The following SIPA1L3 variants were observed in gnomAD, a reference collection of about 807,000 sequenced individuals.
The protein encoded by SIPA1L3 is signal induced proliferation associated 1 like 3.
SIPA1L3 carries 59 observed loss-of-function variants against 150.1 expected under a neutral mutation model. The observed-to-expected ratio is 0.39, with a 90% confidence interval of 0.32 to 0.49. The LOEUF (loss-of-function observed/expected upper bound fraction) is 0.49. SIPA1L3 is among the 20% of genes least tolerant of loss of function. The probability of loss-of-function intolerance (pLI) is 0.86; values close to 1 mark genes in which losing one functional copy is unlikely to be tolerated. For missense variants in SIPA1L3, 2,211 were observed against 2,489.5 expected (o/e 0.89, Z 2.38); for synonymous variants, 1,070 against 1,077.6 (o/e 0.99, Z 0.14).
chr19:37,923,468 G>C (rs901061430), intron 1 of SIPA1L3, among the ~76,000 whole-genome samples: 1 of 152,098 alleles, frequency 6.6e-6, no homozygotes, highest in Non-Finnish European at 1.5e-5. Context: ...ACATAGAAAA[G>C]GTACAGTAAA....
chr19:38,087,989 G>T (rs1970172728), intron 3 of SIPA1L3, among the ~76,000 whole-genome samples: 1 of 152,164 alleles, frequency 6.6e-6, no homozygotes, highest in African/African-American at 2.4e-5. Flanking sequence ...ATGCCCTCCA[G>T]TCTGGACAAC....
intron 1 of SIPA1L3, among the ~76,000 whole-genome samples, chr19:37,999,466 C>G (rs75618039): frequency 6.6e-6 from 1 of 152,222 alleles, no homozygotes; most frequent in Non-Finnish European, 1.5e-5. Flanking sequence ...GCAACCGCCC[C>G]AGCCTTCTCT....
chr19:38,138,088 G>A (rs1161337598), intron 10 of SIPA1L3, among the ~76,000 whole-genome samples: 2 of 151,874 alleles, frequency 1.3e-5, no homozygotes, highest in Admixed American at 6.6e-5. Context: ...CCAGGATCAC[G>A]CCACTGCACT....
At chr19:38,153,554 C>T (rs186462709) in intron 13 of SIPA1L3, among the ~76,000 whole-genome samples, 3 of 151,672 alleles carry the variant, frequency 2.0e-5, no homozygotes, top group Admixed American at 1.3e-4. Context: ...CCTGTAATCC[C>T]GGCTACTTGG....
intron 1 of SIPA1L3, among the ~76,000 whole-genome samples, chr19:37,952,257 G>C (rs353411): frequency 0.38 from 58,444 of 151,990 alleles, 14,322 homozygotes; most frequent in East Asian, 0.73. Flanking sequence ...TCAGTAATGG[G>C]AGCCAAAACA....
At chr19:37,935,856 GTA>G (rs1485415581) in intron 1 of SIPA1L3, among the ~76,000 whole-genome samples, 1 of 152,186 alleles carries the variant, frequency 6.6e-6, no homozygotes, top group African/African-American at 2.4e-5. Flanking sequence ...CCCAGATTCA[GTA>G]TGGGAGGGAT....
At chr19:37,976,762 AGT>A (rs1276309185) in intron 1 of SIPA1L3, among the ~76,000 whole-genome samples, 4 of 148,886 alleles carry the variant, frequency 2.7e-5, no homozygotes, top group African/African-American at 1.0e-4. Flanking sequence ...TGTTTAGAAC[AGT>A]GTGTAGTGTA....
intron 15 of SIPA1L3, among the ~76,000 whole-genome samples, chr19:38,174,828 T>C (rs1241343647): frequency 1.3e-5 from 2 of 151,188 alleles, no homozygotes; most frequent in Admixed American, 1.3e-4. Flanking sequence ...AACTAGACTC[T>C]TTCTCAAAAA....
intron 1 of SIPA1L3, among the ~76,000 whole-genome samples, chr19:37,934,038 T>C (rs141377804): frequency 6.6e-6 from 1 of 152,318 alleles, no homozygotes; most frequent in Non-Finnish European, 1.5e-5. Context: ...TAATGGGTAA[T>C]AATTCTTGCT....
Position 38,119,414 on chromosome 19 carries a change from G to A in SIPA1L3, c.2400G>A (p.Val800=), listed in dbSNP as rs755427607. ...TCAGAGACTTCTTGCTGGCCAAGGT[G>A]ATTAACGCTGAGAACGCCGCGCACA... is the stretch of plus-strand genomic sequence containing the variant. The part of the protein sequence containing the change: ...DVFRDFLLAK[V]INAENAAHKS... The change falls in exon 9 of 22, where the codon GTG becomes GTA. Residue 800 remains valine, a synonymous_variant. Coordinates refer to ENST00000222345, the MANE Select transcript of SIPA1L3 (RefSeq NM_015073.3). 1 of 1,614,048 alleles carries A rather than the reference G, an allele frequency of 6.2e-7. No individual in the cohort carries two copies. Among genetic ancestry groups the A allele is most frequent in the Non-Finnish European group, 8.5e-7 (1 of 1,180,052 alleles).
chr19:37,977,447 G>A lies in SIPA1L3; in HGVS notation c.-378-51642G>A, dbSNP rs151112141. ...GGCCTCCCAAAGTGCTGGGATTACAGGCATGGGCCACTTCACCCGGCCTCA... is the reference window on the plus strand; with the variant it reads ...GGCCTCCCAAAGTGCTGGGATTACAAGCATGGGCCACTTCACCCGGCCTCA... On this transcript the variant is annotated intron_variant, in intron 1 of 21. Coordinates refer to ENST00000222345, the MANE Select transcript of SIPA1L3 (RefSeq NM_015073.3). Among the ~76,000 whole-genome samples the A allele has an allele frequency of 3.9e-5, 6 of 152,344 alleles. No homozygotes were observed. The East Asian group carries it at 1.2e-3, about 29-fold the overall frequency.
At chr19:38,011,572 C>T (rs1968099188) in intron 1 of SIPA1L3, among the ~76,000 whole-genome samples, 1 of 152,146 alleles carries the variant, frequency 6.6e-6, no homozygotes, top group African/African-American at 2.4e-5. Flanking sequence ...GGAAGACCTC[C>T]CTGGGGAAGC....
At chr19:38,201,761 A>G (rs1973092096) in intron 19 of SIPA1L3, 101 bp from the exon 20 acceptor site, 1 of 1,327,236 alleles carries the variant, frequency 7.5e-7, no homozygotes, top group Middle Eastern at 2.3e-4. Context: ...CAAGTGTGAT[A>G]GGAGGCATCA....
At chr19:37,948,471 AAAAG>A (rs2046732469) in intron 1 of SIPA1L3, among the ~76,000 whole-genome samples, 1 of 151,960 alleles carries the variant, frequency 6.6e-6, no homozygotes, top group Admixed American at 6.6e-5. Flanking sequence ...GGTCTTAAAA[AAAAG>A]AAAAAAAAAA....
rs147092704 is a variant in SIPA1L3 at position 37,921,697 on chromosome 19, C to T, written c.-379+14339C>T. 5.1e-3 allele frequency among the ~76,000 whole-genome samples: 777 copies of T among 151,968 alleles called. 6 individuals carry two copies. Among genetic ancestry groups the T allele is most frequent in the African/African-American group, 0.018 (751 of 41,446 alleles). On this transcript the variant is annotated intron_variant, in intron 1 of 21. Coordinates refer to ENST00000222345, the MANE Select transcript of SIPA1L3 (RefSeq NM_015073.3). ...CTCACCGCAACCTCGAACTCCTGGG[C>T]TCAAGTGATCCTCCCACCTCAGCCT...
intron 2 of SIPA1L3, among the ~76,000 whole-genome samples, chr19:38,056,254 C>T (rs529097363): frequency 1.3e-5 from 2 of 152,368 alleles, no homozygotes; most frequent in African/African-American, 4.8e-5. Context: ...GGGTGGCTAC[C>T]CTGGCCTCCT....
intron 1 of SIPA1L3, among the ~76,000 whole-genome samples, chr19:38,000,961 C>CAA (rs1568496038): frequency 2.4e-5 from 3 of 126,268 alleles, no homozygotes. Flanking sequence ...ACACATATAA[C>CAA]ACATATATAA....
At chr19:37,958,912 C>T (rs146327033) in intron 1 of SIPA1L3, among the ~76,000 whole-genome samples, 2 of 152,180 alleles carry the variant, frequency 1.3e-5, no homozygotes, top group Non-Finnish European at 2.9e-5. Context: ...TCCAAATGGC[C>T]TATAAGCACA....
intron 1 of SIPA1L3, among the ~76,000 whole-genome samples, chr19:37,959,235 G>A (rs531228600): frequency 2.6e-5 from 4 of 152,198 alleles, no homozygotes; most frequent in Non-Finnish European, 5.9e-5. Flanking sequence ...CATGTTCAGA[G>A]TAGCGTTATT....
Sources: gnomAD v4.1 joint callset for allele counts (sites outside exome capture counted in the v4.1 genomes callset) on GRCh38, gnomAD v4.1.1 for gene constraint, MANE v1.5 for transcripts, NCBI Gene and HGNC (gene_info 2026-07-23, HGNC 2026-07-21) for gene names.